The following SMG6 variants were observed in gnomAD, a reference collection of about 807,000 sequenced individuals.
The protein encoded by SMG6 is telomerase-binding protein EST1A.
A neutral mutation model predicts 142.2 loss-of-function variants in SMG6; 66 were observed. The ratio of observed to expected loss-of-function variants is 0.46; its 90% CI spans 0.38 to 0.57. The LOEUF is 0.57. SMG6 is among the 20% of genes least tolerant of loss of function. The pLI is 0.00. For synonymous variants in SMG6, 779 were observed against 702.4 expected (o/e 1.11, Z -1.72); for missense variants, 1,793 against 1,832.0 (o/e 0.98, Z 0.39).
chr17:2,123,339 A>G (rs528813243), intron 13 of SMG6, among the ~76,000 whole-genome samples: 1 of 152,334 alleles, frequency 6.6e-6, no homozygotes, highest in African/African-American at 2.4e-5. Flanking sequence ...ACTCCAAACG[A>G]TATTCCTAAG....
intron 2 of SMG6, 91 bp from the exon 3 acceptor site, chr17:2,298,146 C>T (rs1310859482): frequency 8.4e-7 from 1 of 1,197,420 alleles, no homozygotes; most frequent in Non-Finnish European, 1.1e-6. Flanking sequence ...TAACCACCTC[C>T]CCTGGCAGGA....
chr17:2,278,579 T>C (rs1448060926), intron 8 of SMG6, among the ~76,000 whole-genome samples: 1 of 152,202 alleles, frequency 6.6e-6, no homozygotes, highest in Non-Finnish European at 1.5e-5. Flanking sequence ...AAAGTTCCTT[T>C]TAAAACAAAA....
chr17:2,300,655 T>G lies in SMG6; in HGVS notation c.98A>C (p.Lys33Thr), dbSNP rs1190054478. The change falls in exon 2 of 19, where the codon AAG becomes ACG. Residue 33 changes from lysine to threonine, a missense_variant. By Grantham distance (78) the Lys-to-Thr change is moderately conservative. Transcript: ENST00000263073. The part of the protein sequence containing the change: ...APQAGSRENM[K>T]ELKEARPRKD... ...GCGCGGCCTGGCCTCCTTTAATTCC[T>G]TCATGTTTTCTGTTATGTCGGGGAA... 6.3e-7 allele frequency: 1 copy of G among 1,578,406 alleles called. No individual in the cohort carries two copies. The highest frequency in any genetic ancestry group is 1.9e-5 in the Admixed American group (1 of 51,286).
intron 10 of SMG6, among the ~76,000 whole-genome samples, chr17:2,201,990 C>G (rs751653575): frequency 1.3e-5 from 2 of 151,976 alleles, no homozygotes; most frequent in Non-Finnish European, 2.9e-5. Context: ...TGCCGCTGCA[C>G]TCCAGCTGGG....
chr17:2,225,661 TAATA>T (rs1008157525), intron 10 of SMG6, among the ~76,000 whole-genome samples: 2 of 152,178 alleles, frequency 1.3e-5, no homozygotes, highest in African/African-American at 4.8e-5. Context: ...AAAATAAATT[TAATA>T]AATAAAATTT....
intron 9 of SMG6, among the ~76,000 whole-genome samples, chr17:2,241,580 G>T (rs1016526165): frequency 1.3e-5 from 2 of 152,208 alleles, no homozygotes; most frequent in South Asian, 4.1e-4. Flanking sequence ...GAGAGATGGG[G>T]TCTTCTGCCT....
chr17:2,288,917 A>C (rs2074968908), intron 6 of SMG6, among the ~76,000 whole-genome samples: 1 of 151,658 alleles, frequency 6.6e-6, no homozygotes, highest in South Asian at 2.1e-4. Context: ...GTCTCTACTA[A>C]AAATACAAAA....
intron 1 of SMG6, among the ~76,000 whole-genome samples, chr17:2,301,451 T>C (rs149596554): frequency 5.4e-4 from 83 of 152,296 alleles, no homozygotes; most frequent in African/African-American, 2.0e-3. Flanking sequence ...AAAAGTTCCA[T>C]AAGGGAACTT....
chr17:2,269,373 C>T lies in SMG6; in HGVS notation c.2661+13274G>A, dbSNP rs915603009. ...GCCGCTGCACTCCAGCCCAGGGTGA[C>T]AGCATGAGACTCTGTCCCAAAAAAA... On this transcript the variant is annotated intron_variant, in intron 8 of 18. Coordinates refer to ENST00000263073, the MANE Select transcript of SMG6 (RefSeq NM_017575.5). 2.0e-5 allele frequency among the ~76,000 whole-genome samples: 3 copies of T among 146,596 alleles called. No homozygotes were observed. The Admixed American group carries it at 2.1e-4, about 10-fold the overall frequency.
chr17:2,213,463 C>A (rs1181980082), intron 10 of SMG6, among the ~76,000 whole-genome samples: 1 of 152,032 alleles, frequency 6.6e-6, no homozygotes, highest in Non-Finnish European at 1.5e-5. Flanking sequence ...GAATGCAGGG[C>A]GGGCAGACGT....
intron 9 of SMG6, 126 bp from the exon 10 acceptor site, chr17:2,236,763 C>A (rs1431394734): frequency 7.3e-7 from 1 of 1,360,614 alleles, no homozygotes; most frequent in Non-Finnish European, 9.5e-7. Context: ...CAGACAACTA[C>A]TGCCTAGGAC....
intron 13 of SMG6, among the ~76,000 whole-genome samples, chr17:2,106,327 C>T (rs1345495178): frequency 6.6e-6 from 1 of 152,140 alleles, no homozygotes; most frequent in African/African-American, 2.4e-5. Context: ...GTTCCATGCC[C>T]TGTTATGCCA....
At chr17:2,229,017 A>G (rs1421484494) in intron 10 of SMG6, among the ~76,000 whole-genome samples, 4 of 151,998 alleles carry the variant, frequency 2.6e-5, no homozygotes, top group Non-Finnish European at 5.9e-5. Context: ...TCTTTTCTAA[A>G]AGAAGAGGGA....
intron 10 of SMG6, among the ~76,000 whole-genome samples, chr17:2,204,105 A>G (rs1355194542): frequency 6.6e-6 from 1 of 152,194 alleles, no homozygotes; most frequent in East Asian, 1.9e-4. Context: ...CTGGGACCAC[A>G]GGCATGTGCC....
At chr17:2,250,116 GC>G (rs1266616971) in intron 8 of SMG6, among the ~76,000 whole-genome samples, 1 of 152,148 alleles carries the variant, frequency 6.6e-6, no homozygotes, top group Non-Finnish European at 1.5e-5. Context: ...GTGTCTAAGG[GC>G]TTGGTGACTG....
At chr17:2,144,336 C>T (rs375602937) in intron 13 of SMG6, among the ~76,000 whole-genome samples, 57 of 152,002 alleles carry the variant, frequency 3.7e-4, no homozygotes, top group African/African-American at 1.2e-3. Flanking sequence ...CAACATGCTG[C>T]GGTTACAGGC....
chr17:2,156,121 G>C (rs1346421881), intron 13 of SMG6, among the ~76,000 whole-genome samples: 6 of 150,284 alleles, frequency 4.0e-5, no homozygotes, highest in Non-Finnish European at 8.9e-5. Flanking sequence ...CGGGTGCCGT[G>C]GTTCACGCCT....
At chr17:2,113,401 T>C (rs1472072590) in intron 13 of SMG6, among the ~76,000 whole-genome samples, 2 of 152,200 alleles carry the variant, frequency 1.3e-5, no homozygotes, top group Non-Finnish European at 2.9e-5. Flanking sequence ...AAATGAATAC[T>C]CATTTGCTTA....
At chr17:2,291,162 T>C (rs1205126539) in intron 6 of SMG6, among the ~76,000 whole-genome samples, 2 of 152,038 alleles carry the variant, frequency 1.3e-5, no homozygotes, top group African/African-American at 4.8e-5. Context: ...AAACCCCGTC[T>C]CTACTAAAAA....
Sources: gnomAD v4.1 joint callset for allele counts (sites outside exome capture counted in the v4.1 genomes callset) on GRCh38, gnomAD v4.1.1 for gene constraint, MANE v1.5 for transcripts, NCBI Gene and HGNC (gene_info 2026-07-23, HGNC 2026-07-21) for gene names.